The following XKR5 variants were observed in gnomAD, a reference collection of about 807,000 sequenced individuals.
XKR5 encodes the protein XK-related protein 5.
XKR5 carries 46 observed loss-of-function variants against 40.8 expected under a neutral mutation model. The observed-to-expected ratio is 1.13, with a 90% CI of 0.89 to 1.44. The LOEUF is 1.44. Among genes scored for constraint, XKR5 ranks in the 40% most tolerant of loss-of-function variants. The pLI, the probability that XKR5 is intolerant of heterozygous loss-of-function variation, is 0.00. For missense variants in XKR5, 1,169 were observed against 844.7 expected, an observed-to-expected ratio of 1.38 and a Z score of -4.76; for synonymous variants, 466 against 356.1, an observed-to-expected ratio of 1.31 and a Z score of -3.48.
chr8:6,822,617 G>C (rs1479756052), intron 4 of XKR5, among the ~76,000 whole-genome samples: 1 of 152,146 alleles, frequency 6.6e-6, no homozygotes, highest in Non-Finnish European at 1.5e-5. Context: ...TAGGCCCAAG[G>C]GGCAAATATT....
At chr8:6,835,299 C>G (rs1250954720) in intron 1 of XKR5, 137 bp downstream of exon 1, 1 of 859,276 alleles carries the variant, frequency 1.2e-6, no homozygotes, top group East Asian at 3.4e-5. Flanking sequence ...TGGCCACCAC[C>G]GTGCGTCACC....
intron 2 of XKR5, among the ~76,000 whole-genome samples, chr8:6,831,511 G>A (rs1296619282): frequency 2.0e-5 from 3 of 152,122 alleles, no homozygotes; most frequent in Non-Finnish European, 4.4e-5. Flanking sequence ...ACCATTCCCT[G>A]CTCACAGTGA....
At chr8:6,812,571 C>T (rs373282465) in intron 6 of XKR5, among the ~76,000 whole-genome samples, 3 of 152,102 alleles carry the variant, frequency 2.0e-5, no homozygotes, top group Non-Finnish European at 4.4e-5. Flanking sequence ...GGCTTAAATC[C>T]GATTGATTCT....
intron 5 of XKR5, among the ~76,000 whole-genome samples, chr8:6,818,433 C>G (rs889194273): frequency 2.0e-5 from 3 of 152,238 alleles, no homozygotes; most frequent in African/African-American, 7.2e-5. Flanking sequence ...GGCACTGAGA[C>G]ATGACCCTCT....
chr8:6,825,358 C>G lies in XKR5; in HGVS notation c.243-9G>C, dbSNP rs1472713768. 3.3e-6 allele frequency: 5 copies of G among 1,525,920 alleles called. No homozygotes were observed. Among genetic ancestry groups the G allele is most frequent in the Non-Finnish European group, 4.4e-6 (5 of 1,142,000 alleles). 94.5% of individuals were successfully genotyped at this position (1,525,920 alleles called of 1,614,324 possible). A position where few individuals can be genotyped will look rare whatever the true frequency, so the allele number is the denominator to read the frequency against. Reference sequence around the variant, plus strand: ...GTGCAGCGTCCCAGTGCCTAGGGAACAGCAGAGGGCACGTGACACGGAGCC... The same window carrying G: ...GTGCAGCGTCCCAGTGCCTAGGGAAGAGCAGAGGGCACGTGACACGGAGCC... On this transcript the variant is annotated splice_polypyrimidine_tract_variant and intron_variant, in intron 2 of 6. Coordinates refer to ENST00000618742, the MANE Select transcript of XKR5 (RefSeq NM_207411.5).
At chr8:6,813,293 C>G (rs772745526) in intron 6 of XKR5, among the ~76,000 whole-genome samples, 2 of 152,226 alleles carry the variant, frequency 1.3e-5, no homozygotes, top group Non-Finnish European at 2.9e-5. Context: ...CAGCCAGTTT[C>G]TGCACTGTTT....
rs1315616452 is a variant in XKR5, at chr8:6,832,792, C to T, written c.167G>A (p.Trp56Ter). The T allele has an allele frequency of 6.2e-7, 1 of 1,613,026 alleles. No homozygotes were observed. Among genetic ancestry groups the T allele is most frequent in the Non-Finnish European group, 8.5e-7 (1 of 1,179,600 alleles). Residue 56 changes from tryptophan (W) to a stop codon, truncating the protein, a stop_gained, in exon 2 of 7, where the codon TGG (tryptophan) becomes TAG (stop). Transcript: ENST00000618742. LOFTEE classifies it high-confidence loss of function. The part of the protein sequence containing the change: ...GFLVQALSYL[W>*]FRADGHPGHC... ...CCCTGGATGCCCGTCTGCTCGGAAC[C>T]ACAGGTAGCTCAGGGCCTGGACCAA...
rs181512040 is a variant in XKR5 at position 6,814,138 on chromosome 8, G to A, written c.919+1669C>T. Among the ~76,000 whole-genome samples the A allele has an allele frequency of 2.7e-3, 409 of 152,294 alleles. 12 individuals carry two copies. Among genetic ancestry groups the A allele is most frequent in the Non-Finnish European group, 6.5e-4 (44 of 68,018 alleles). On this transcript the variant is annotated intron_variant, in intron 6 of 6. Transcript: ENST00000618742. ...GTGGTGAGAGTGGTGCTTCTCACCC[G>A]GGCAGCGCGATGTCCTCAGTTTCCC...
chr8:6,834,118 C>T (rs1804892080), intron 1 of XKR5, among the ~76,000 whole-genome samples: 1 of 152,224 alleles, frequency 6.6e-6, no homozygotes, highest in African/African-American at 2.4e-5. Context: ...CTCCCCAATA[C>T]TCCTAGCACG....
At chr8:6,822,842 C>G (rs1299616810) in intron 4 of XKR5, among the ~76,000 whole-genome samples, 1 of 150,680 alleles carries the variant, frequency 6.6e-6, no homozygotes. Flanking sequence ...TGGAGCTGTC[C>G]TATTTGCAAC....
intron 5 of XKR5, among the ~76,000 whole-genome samples, chr8:6,816,982 C>G (rs1803988481): frequency 6.6e-6 from 1 of 152,132 alleles, no homozygotes; most frequent in Non-Finnish European, 1.5e-5. Context: ...GGTTTCTGCC[C>G]TAAATGCCTT....
At chr8:6,826,501 A>T (rs965383986) in intron 2 of XKR5, among the ~76,000 whole-genome samples, 1 of 152,122 alleles carries the variant, frequency 6.6e-6, no homozygotes, top group South Asian at 2.1e-4. Flanking sequence ...GGATTTGATG[A>T]CTGAACAGGG....
In XKR5 at chr8:6,832,913, G is replaced by A. The variant is rs549593583; in HGVS notation, c.59-13C>T. On this transcript the variant is annotated splice_polypyrimidine_tract_variant and intron_variant, in intron 1 of 6. Transcript: ENST00000618742. ...ACGGTGTAAAGGCCTGGGTGAGAAG[G>A]GGAAAGGCAAGCAGGTTGTTGGAAG... 9 of 1,547,148 alleles carry A rather than the reference G, an allele frequency of 5.8e-6. No individual in the cohort carries two copies. In the South Asian group the frequency reaches 6.2e-5, roughly 11 times the overall value.
chr8:6,814,585 C>T lies in XKR5; in HGVS notation c.919+1222G>A, dbSNP rs529312047. 1.4e-3 allele frequency among the ~76,000 whole-genome samples: 210 copies of T among 152,188 alleles called. 3 individuals carry two copies. The South Asian group carries it at 0.039, about 28-fold the overall frequency. On this transcript the variant is annotated intron_variant, in intron 6 of 6. Transcript: ENST00000618742. ...GATCCTGGCTGTGATGTTGTGCCAC[C>T]GTTTTGCGAGATATTACCACTGGGG...
intron 2 of XKR5, among the ~76,000 whole-genome samples, chr8:6,826,357 TGG>T (rs1804477588): frequency 6.6e-6 from 1 of 151,982 alleles, no homozygotes; most frequent in African/African-American, 2.4e-5. Context: ...GCATGTAGTG[TGG>T]GTGTATGAAC....
intron 6 of XKR5, 92 bp downstream of exon 6, chr8:6,815,715 C>A (rs1302359121): frequency 1.0e-5 from 9 of 865,614 alleles, no homozygotes; most frequent in Non-Finnish European, 1.6e-5. Flanking sequence ...TTAACCACAT[C>A]TGAACTCAGT....
intron 2 of XKR5, among the ~76,000 whole-genome samples, chr8:6,827,892 T>C (rs902592198): frequency 2.0e-5 from 3 of 151,878 alleles, no homozygotes; most frequent in Non-Finnish European, 4.4e-5. Context: ...ATAATGAGAC[T>C]CCATGTCTAC....
At chr8:6,815,953 C>G in intron 5 of XKR5, 35 bp from the exon 6 acceptor site, 1 of 1,491,872 alleles carries the variant, frequency 6.7e-7, no homozygotes, top group Non-Finnish European at 9.2e-7. Flanking sequence ...CACACCTCGT[C>G]AGGTGCACAC....
intron 4 of XKR5, 41 bp downstream of exon 4, chr8:6,823,480 G>C: frequency 6.5e-7 from 1 of 1,548,010 alleles, no homozygotes; most frequent in Non-Finnish European, 8.8e-7. Context: ...GGGTTGATTG[G>C]TTATGCAGCA....
Sources: allele counts gnomAD v4.1 joint callset (sites outside exome capture counted in the v4.1 genomes callset), GRCh38; gene constraint gnomAD v4.1.1; transcripts MANE v1.5; gene names NCBI Gene and HGNC (gene_info 2026-07-23, HGNC 2026-07-21).